PCCA: variants seen among roughly 807,000 people sequenced by gnomAD.
PCCA encodes propionyl-CoA carboxylase subunit alpha.
Under a neutral mutation model 101.3 loss-of-function variants are expected in PCCA, and 74 were observed. The ratio of observed to expected loss-of-function variants is 0.73; its 90% CI spans 0.61 to 0.89. The LOEUF (loss-of-function observed/expected upper bound fraction) is 0.89, where lower values mean the gene tolerates loss of function less well. Among genes scored for constraint, PCCA ranks in the 40% least tolerant of loss-of-function variants. PCCA has a pLI of 0.00. For missense variants in PCCA, 891 were observed against 907.0 expected (o/e 0.98, Z 0.23); for synonymous variants, 294 against 313.6 (o/e 0.94, Z 0.66).
At chr13:100,463,085 A>G (rs1242380101) in intron 21 of PCCA, among the ~76,000 whole-genome samples, 1 of 152,212 alleles carries the variant, frequency 6.6e-6, no homozygotes, top group Non-Finnish European at 1.5e-5. Flanking sequence ...GAGAAAGAGG[A>G]CGGAATGAAA....
Position 100,203,532 on chromosome 13 carries a change from A to G in PCCA, c.469-5800A>G, listed in dbSNP as rs191661015. Among the ~76,000 whole-genome samples the G allele has an allele frequency of 5.4e-3, 819 of 152,086 alleles. 5 individuals are homozygous for G. Among genetic ancestry groups the G allele is most frequent in the Non-Finnish European group, 9.4e-3 (636 of 67,998 alleles). ...TGGTGAAACCCTGTCTCTACTAAAA[A>G]TATAAAACCATATTAGCCCGGCATG... On this transcript the variant is annotated intron_variant, in intron 6 of 23. Transcript: ENST00000376285.
chr13:100,477,992 TGCTG>T (rs1237598822), intron 21 of PCCA, among the ~76,000 whole-genome samples: 1 of 152,234 alleles, frequency 6.6e-6, no homozygotes, highest in East Asian at 1.9e-4. Flanking sequence ...TCCAGGTTGT[TGCTG>T]GATGTGGCGA....
At chr13:100,326,953 G>T (rs1421780423) in intron 16 of PCCA, among the ~76,000 whole-genome samples, 1 of 151,956 alleles carries the variant, frequency 6.6e-6, no homozygotes, top group African/African-American at 2.4e-5. Flanking sequence ...GTCTGTGCAG[G>T]AGGCACCCCT....
chr13:100,333,307 CAT>C (rs1174397163), intron 17 of PCCA, among the ~76,000 whole-genome samples: 5 of 152,210 alleles, frequency 3.3e-5, no homozygotes, highest in Non-Finnish European at 5.9e-5. Context: ...GGATCCTCTC[CAT>C]ATGTTTGGGG....
intron 12 of PCCA, among the ~76,000 whole-genome samples, chr13:100,281,399 G>C (rs918354803): frequency 6.6e-6 from 1 of 152,174 alleles, no homozygotes; most frequent in South Asian, 2.1e-4. Context: ...GTGTGTATAA[G>C]ACATGAATAG....
At chr13:100,379,551 C>T (rs750095968) in intron 19 of PCCA, among the ~76,000 whole-genome samples, 6 of 152,296 alleles carry the variant, frequency 3.9e-5, no homozygotes, top group South Asian at 2.1e-4. Context: ...TCTGTTCTCA[C>T]GCTGCTAATG....
At chr13:100,217,943 G>A (rs1280588614) in intron 7 of PCCA, among the ~76,000 whole-genome samples, 1 of 150,842 alleles carries the variant, frequency 6.6e-6, no homozygotes, top group Non-Finnish European at 1.5e-5. Flanking sequence ...GGGCGTGGTG[G>A]CAGGCCCTGT....
chr13:100,291,811 G>T (rs1288632300), intron 12 of PCCA, among the ~76,000 whole-genome samples: 1 of 152,196 alleles, frequency 6.6e-6, no homozygotes, highest in Non-Finnish European at 1.5e-5. Flanking sequence ...GACCCATCTG[G>T]AGCCTTTATT....
At chr13:100,378,959 T>G (rs931416993) in intron 19 of PCCA, among the ~76,000 whole-genome samples, 1 of 152,182 alleles carries the variant, frequency 6.6e-6, no homozygotes, top group Admixed American at 6.5e-5. Flanking sequence ...TGCAGACTTA[T>G]TGTATTCCTT....
chr13:100,329,521 G>A (rs916596860), intron 16 of PCCA, among the ~76,000 whole-genome samples: 4 of 152,148 alleles, frequency 2.6e-5, no homozygotes, highest in South Asian at 4.1e-4. Context: ...AGAACTCAGC[G>A]TCAACCATTC....
chr13:100,180,899 A>G (rs748394105), intron 6 of PCCA, among the ~76,000 whole-genome samples: 37 of 152,226 alleles, frequency 2.4e-4, no homozygotes, highest in Admixed American at 1.0e-3. Context: ...TTCCCTGACA[A>G]TTATTGATTC....
chr13:100,188,070 G>A (rs1179814472), intron 6 of PCCA, among the ~76,000 whole-genome samples: 6 of 152,110 alleles, frequency 3.9e-5, no homozygotes, highest in African/African-American at 7.2e-5. Flanking sequence ...CGAGGTGGGC[G>A]GATCACGAGG....
chr13:100,392,758 G>A (rs761688384), intron 19 of PCCA, among the ~76,000 whole-genome samples: 8 of 152,208 alleles, frequency 5.3e-5, no homozygotes, highest in Non-Finnish European at 8.8e-5. Context: ...TGATAAGTGG[G>A]ATTCCAAACA....
At chr13:100,416,249 C>T (rs960794494) in intron 19 of PCCA, among the ~76,000 whole-genome samples, 2 of 151,414 alleles carry the variant, frequency 1.3e-5, no homozygotes, top group African/African-American at 2.4e-5. Flanking sequence ...AGTGCAGTGG[C>T]ATGATCTCAG....
At chr13:100,186,737 T>C (rs1397820454) in intron 6 of PCCA, among the ~76,000 whole-genome samples, 3 of 96,382 alleles carry the variant, frequency 3.1e-5, no homozygotes, top group Non-Finnish European at 6.9e-5. Context: ...AGATTCCATC[T>C]CAAAAAAAAA....
chr13:100,506,331 C>G (rs569649349), intron 21 of PCCA, among the ~76,000 whole-genome samples: 3 of 151,076 alleles, frequency 2.0e-5, no homozygotes, highest in Non-Finnish European at 2.9e-5. Context: ...AGGCAACCCC[C>G]CTACCAGCGC....
chr13:100,438,037 A>C (rs1392842284), intron 20 of PCCA, among the ~76,000 whole-genome samples: 1 of 152,080 alleles, frequency 6.6e-6, no homozygotes, highest in Non-Finnish European at 1.5e-5. Flanking sequence ...TTACTAATAC[A>C]TTTTATTTAA....
At chr13:100,430,735 G>A (rs1013931800) in intron 20 of PCCA, among the ~76,000 whole-genome samples, 2 of 152,092 alleles carry the variant, frequency 1.3e-5, no homozygotes, top group South Asian at 2.1e-4. Context: ...GTCATGTGCC[G>A]GTATAACAGC....
chr13:100,506,247 CAGCAT>C (rs1330453601), intron 21 of PCCA, among the ~76,000 whole-genome samples: 1 of 151,980 alleles, frequency 6.6e-6, no homozygotes, highest in Non-Finnish European at 1.5e-5. Flanking sequence ...GTACACAGCA[CAGCAT>C]GAGGGTGCCA....
Sources: gnomAD v4.1 joint callset for allele counts (sites outside exome capture counted in the v4.1 genomes callset) on GRCh38, gnomAD v4.1.1 for gene constraint, MANE v1.5 for transcripts, NCBI Gene and HGNC (gene_info 2026-07-23, HGNC 2026-07-21) for gene names.